The following PSD3 variants were observed in gnomAD, a reference collection of about 807,000 sequenced individuals.
PSD3 encodes pleckstrin and Sec7 domain containing 3.
In PSD3, 49 loss-of-function variants were observed where a neutral mutation model predicts 105.5. The ratio of observed to expected loss-of-function variants is 0.46; its 90% CI spans 0.37 to 0.59. The LOEUF is 0.59. PSD3 is among the 20% of genes least tolerant of loss of function. The pLI, the probability that PSD3 is intolerant of heterozygous loss-of-function variation, is 0.00. For synonymous variants in PSD3, 557 were observed against 457.8 expected (o/e 1.22, Z -2.77); for missense variants, 1,561 against 1,263.8 (o/e 1.24, Z -3.57).
intron 1 of PSD3, among the ~76,000 whole-genome samples, chr8:18,938,700 G>A (rs59001026): frequency 0.29 from 43,330 of 151,608 alleles, 7,834 homozygotes; most frequent in Non-Finnish European, 0.41. Context: ...CTTACTCTGT[G>A]CCAGGCACTG....
intron 1 of PSD3, among the ~76,000 whole-genome samples, chr8:18,961,564 C>A (rs1823925551): frequency 6.6e-6 from 1 of 152,118 alleles, no homozygotes; most frequent in Non-Finnish European, 1.5e-5. Flanking sequence ...GTGGCACATG[C>A]TTGTAATCCC....
chr8:18,601,088 C>A (rs1255880062), intron 11 of PSD3, among the ~76,000 whole-genome samples: 1 of 152,070 alleles, frequency 6.6e-6, no homozygotes, highest in Admixed American at 6.6e-5. Flanking sequence ...TTCACCAAAT[C>A]GAGTATACTG....
At chr8:18,739,928 T>C (rs1311072121) in intron 9 of PSD3, among the ~76,000 whole-genome samples, 2 of 152,212 alleles carry the variant, frequency 1.3e-5, no homozygotes, top group East Asian at 3.8e-4. Context: ...CAGCTATCTT[T>C]AGAACATAAG....
chr8:18,797,431 CAAG>C (rs746059246), intron 8 of PSD3, among the ~76,000 whole-genome samples: 34 of 152,074 alleles, frequency 2.2e-4, no homozygotes, highest in Non-Finnish European at 4.0e-4. Context: ...TCCCAGTTGC[CAAG>C]AAGAAGCAGG....
intron 1 of PSD3, among the ~76,000 whole-genome samples, chr8:18,971,757 C>T (rs1457378105): frequency 2.0e-5 from 3 of 152,136 alleles, no homozygotes; most frequent in African/African-American, 7.2e-5. Context: ...GTAATCTCAG[C>T]ACTTTGGGAG....
At chr8:18,898,553 T>C (rs1221287716) in intron 2 of PSD3, among the ~76,000 whole-genome samples, 3 of 151,728 alleles carry the variant, frequency 2.0e-5, no homozygotes, top group Non-Finnish European at 4.4e-5. Flanking sequence ...AAAATCCACA[T>C]AACTTTTGAC....
chr8:18,710,990 T>G (rs1372801829), intron 9 of PSD3, among the ~76,000 whole-genome samples: 1 of 148,712 alleles, frequency 6.7e-6, no homozygotes, highest in East Asian at 2.0e-4. Flanking sequence ...GTCTCAACAT[T>G]CTTAAAAAAA....
chr8:18,555,019 A>G (rs1048401784), intron 15 of PSD3, among the ~76,000 whole-genome samples: 3 of 152,086 alleles, frequency 2.0e-5, no homozygotes, highest in African/African-American at 7.2e-5. Context: ...TGGAGACGCC[A>G]AATCCTCTCC....
chr8:18,893,220 G>A (rs997513892), intron 2 of PSD3, among the ~76,000 whole-genome samples: 3 of 152,102 alleles, frequency 2.0e-5, no homozygotes, highest in African/African-American at 4.8e-5. Flanking sequence ...CACAGGGTGC[G>A]GGGTCAGCAT....
chr8:18,624,465 AAT>A (rs990875469), intron 11 of PSD3, among the ~76,000 whole-genome samples: 10 of 144,988 alleles, frequency 6.9e-5, no homozygotes, highest in Non-Finnish European at 1.5e-4. Flanking sequence ...AGTAATTTAA[AAT>A]TTCTCGGGAA....
chr8:18,603,474 G>C (rs542840599), intron 11 of PSD3, among the ~76,000 whole-genome samples: 2 of 152,146 alleles, frequency 1.3e-5, no homozygotes, highest in South Asian at 4.2e-4. Context: ...TCTTTTGGTG[G>C]CCAATCTTCT....
At chr8:18,760,022 C>T (rs1806384860) in intron 9 of PSD3, among the ~76,000 whole-genome samples, 1 of 141,786 alleles carries the variant, frequency 7.1e-6, no homozygotes, top group Non-Finnish European at 1.5e-5. Context: ...ACAAGGGTTT[C>T]CTAAGAAACT....
chr8:19,029,664 T>C, intron 1 of PSD3, among the ~76,000 whole-genome samples: 1 of 152,140 alleles, frequency 6.6e-6, no homozygotes, highest in Non-Finnish European at 1.5e-5. Flanking sequence ...CCCAATGGGT[T>C]CCTCTTACCA....
intron 11 of PSD3, among the ~76,000 whole-genome samples, chr8:18,617,056 A>G (rs965984237): frequency 9.9e-5 from 15 of 152,202 alleles, no homozygotes; most frequent in Non-Finnish European, 1.3e-4. Flanking sequence ...TGTGCATGTT[A>G]ATAAATTTGT....
chr8:18,839,808 G>A (rs775624267), intron 4 of PSD3, among the ~76,000 whole-genome samples: 1 of 148,840 alleles, frequency 6.7e-6, no homozygotes, highest in Non-Finnish European at 1.5e-5. Context: ...CCATGACACA[G>A]GGATGACACA....
intron 9 of PSD3, among the ~76,000 whole-genome samples, chr8:18,721,394 G>C (rs530290482): frequency 6.6e-6 from 1 of 152,106 alleles, no homozygotes; most frequent in African/African-American, 2.4e-5. Context: ...CAAGTAACTA[G>C]GACCAAGTGC....
rs111539974 is a variant in PSD3, at chr8:18,655,286, G to A, written c.2216+356C>T. ...GGAGCTTGCAGTGAGCCGAGATTGC[G>A]CCACTGCACTCCAGCCTGGGCGACA... On this transcript the variant is annotated intron_variant, in intron 10 of 15. Transcript: ENST00000327040. Among the ~76,000 whole-genome samples the A allele has an allele frequency of 5.4e-3, 789 of 144,944 alleles. 8 individuals carry two copies. The highest frequency in any genetic ancestry group is 0.019 in the African/African-American group (745 of 38,886).
intron 2 of PSD3, among the ~76,000 whole-genome samples, chr8:18,918,134 A>T (rs1469142219): frequency 6.6e-6 from 1 of 152,204 alleles, no homozygotes; most frequent in Non-Finnish European, 1.5e-5. Flanking sequence ...GGCACGTAAG[A>T]CCATTCATAA....
At chr8:18,632,224 G>T (rs188680502) in intron 11 of PSD3, among the ~76,000 whole-genome samples, 2 of 151,876 alleles carry the variant, frequency 1.3e-5, no homozygotes, top group Admixed American at 1.3e-4. Context: ...TTTTCTATGC[G>T]TTGCAAATTC....
Sources: allele counts gnomAD v4.1 joint callset (sites outside exome capture counted in the v4.1 genomes callset), GRCh38; gene constraint gnomAD v4.1.1; transcripts MANE v1.5; gene names NCBI Gene and HGNC (gene_info 2026-07-23, HGNC 2026-07-21).